ATXN7L1: variants seen among roughly 807,000 people sequenced by gnomAD.
ATXN7L1 encodes the protein ataxin 7 like 1.
In ATXN7L1, 15 loss-of-function variants were observed where a neutral mutation model predicts 70.8. The ratio of observed to expected loss-of-function variants is 0.21; its 90% CI spans 0.14 to 0.33. ATXN7L1 has a LOEUF of 0.33. ATXN7L1 is among the 10% of genes least tolerant of loss of function. The pLI is 1.00. For synonymous variants in ATXN7L1, 440 were observed against 445.1 expected (o/e 0.99, Z 0.14); for missense variants, 975 against 1,097.1 (o/e 0.89, Z 1.57).
intron 4 of ATXN7L1, among the ~76,000 whole-genome samples, chr7:105,660,931 G>A (rs1328918994): frequency 6.6e-6 from 1 of 152,106 alleles, no homozygotes; most frequent in African/African-American, 2.4e-5. Flanking sequence ...CCTGGGTTAG[G>A]TACCCTTCTC....
intron 2 of ATXN7L1, among the ~76,000 whole-genome samples, chr7:105,852,666 C>T (rs911917326): frequency 7.2e-5 from 11 of 151,744 alleles, no homozygotes; most frequent in African/African-American, 2.4e-4. Context: ...TGGCTTATCT[C>T]GGAAGGACTG....
chr7:105,753,773 T>A (rs1005176844), intron 3 of ATXN7L1, among the ~76,000 whole-genome samples: 1 of 152,206 alleles, frequency 6.6e-6, no homozygotes, highest in Non-Finnish European at 1.5e-5. Context: ...TGGGAAAGGA[T>A]CAGGCAGTGC....
At chr7:105,690,090 C>T (rs745321756) in intron 3 of ATXN7L1, among the ~76,000 whole-genome samples, 17 of 152,202 alleles carry the variant, frequency 1.1e-4, no homozygotes, top group Non-Finnish European at 1.9e-4. Context: ...CAGCAACCTC[C>T]GCCTCCTGGG....
chr7:105,750,274 A>T (rs1419214163), intron 3 of ATXN7L1, among the ~76,000 whole-genome samples: 3 of 145,388 alleles, frequency 2.1e-5, no homozygotes, highest in African/African-American at 7.9e-5. Flanking sequence ...TTTTAGATTT[A>T]TAATTGCTCT....
intron 3 of ATXN7L1, among the ~76,000 whole-genome samples, chr7:105,746,804 C>T (rs1248393700): frequency 6.6e-6 from 1 of 152,136 alleles, no homozygotes; most frequent in Non-Finnish European, 1.5e-5. Context: ...GCATAAAATG[C>T]ACACTCATTT....
At chr7:105,729,575 C>A (rs7385162) in intron 3 of ATXN7L1, among the ~76,000 whole-genome samples, 5 of 151,294 alleles carry the variant, frequency 3.3e-5, no homozygotes, top group African/African-American at 9.7e-5. Context: ...GATTACAGAC[C>A]TGTGCCACTA....
chr7:105,754,142 G>T (rs993768209), intron 3 of ATXN7L1, among the ~76,000 whole-genome samples: 1 of 152,166 alleles, frequency 6.6e-6, no homozygotes, highest in Non-Finnish European at 1.5e-5. Context: ...GAGCTCTGAC[G>T]TCTCAAGAAC....
chr7:105,762,632 A>G (rs1381951861), intron 3 of ATXN7L1, among the ~76,000 whole-genome samples: 1 of 151,950 alleles, frequency 6.6e-6, no homozygotes, highest in Non-Finnish European at 1.5e-5. Flanking sequence ...CCTCATCTTT[A>G]CACCAAAGGC....
chr7:105,725,958 A>G (rs1436579005), intron 3 of ATXN7L1, among the ~76,000 whole-genome samples: 1 of 148,044 alleles, frequency 6.8e-6, no homozygotes, highest in Non-Finnish European at 1.5e-5. Flanking sequence ...GATGGAGTGC[A>G]ATGGCATGAT....
At chr7:105,638,147 CA>C (rs1316644505) in intron 7 of ATXN7L1, among the ~76,000 whole-genome samples, 1 of 152,230 alleles carries the variant, frequency 6.6e-6, no homozygotes, top group African/African-American at 2.4e-5. Context: ...ATAATGATGA[CA>C]GCAGTAAAAT....
intron 4 of ATXN7L1, among the ~76,000 whole-genome samples, chr7:105,643,487 T>A (rs146442637): frequency 3.9e-5 from 6 of 152,336 alleles, no homozygotes; most frequent in Non-Finnish European, 8.8e-5. Context: ...GAGATACCGT[T>A]TGTCCCCTGA....
rs150941301 is a variant in ATXN7L1, at chr7:105,791,601, A to T, written c.251-2893T>A. The stretch of plus-strand genomic sequence containing the variant: ...ATTTTTTAAAAATAAAACAAAAGGG[A>T]TCCAAGTTCTCCGAAGATACATTTG... On this transcript the variant is annotated intron_variant, in intron 2 of 11. Coordinates refer to ENST00000419735, the MANE Select transcript of ATXN7L1 (RefSeq NM_020725.2). Among the ~76,000 whole-genome samples, 82 of 152,340 alleles carry T rather than the reference A, an allele frequency of 5.4e-4. 1 individual carries two copies. The highest frequency in any genetic ancestry group is 1.9e-3 in the African/African-American group (81 of 41,562).
In ATXN7L1 at chr7:105,611,434, C is replaced by T. The variant is rs566876375; in HGVS notation, c.2473-831G>A. The stretch of plus-strand genomic sequence containing the variant: ...TTGCCTAGGCTGGAGTGCAGTGGCA[C>T]GATCTTGGCTCATTGCAACCTCTGC... On this transcript the variant is annotated intron_variant, in intron 10 of 11. Transcript: ENST00000419735. Among the ~76,000 whole-genome samples the T allele has an allele frequency of 3.9e-5, 6 of 152,354 alleles. No homozygotes were observed. In the South Asian group the frequency reaches 6.2e-4, roughly 16 times the overall value.
intron 3 of ATXN7L1, among the ~76,000 whole-genome samples, chr7:105,770,667 A>G (rs1285810269): frequency 6.6e-6 from 1 of 152,180 alleles, no homozygotes; most frequent in Non-Finnish European, 1.5e-5. Context: ...GTCTGATCTG[A>G]GCCCAAGGAG....
At chr7:105,791,216 C>T (rs1004799054) in intron 2 of ATXN7L1, among the ~76,000 whole-genome samples, 4 of 152,218 alleles carry the variant, frequency 2.6e-5, no homozygotes, top group Non-Finnish European at 5.9e-5. Flanking sequence ...TTCAGGTGCC[C>T]GAGGTGGCTG....
At chr7:105,652,794 G>A (rs552169060) in intron 4 of ATXN7L1, among the ~76,000 whole-genome samples, 2 of 152,322 alleles carry the variant, frequency 1.3e-5, no homozygotes, top group Non-Finnish European at 2.9e-5. Flanking sequence ...TGAAAGATGA[G>A]GAAATGGCAA....
chr7:105,807,764 C>T (rs11980210), intron 2 of ATXN7L1, among the ~76,000 whole-genome samples: 34,642 of 152,164 alleles, frequency 0.23, 4,114 homozygotes, highest in East Asian at 0.42. Context: ...CTCTCCAGAC[C>T]GAGCAGCCTC....
intron 4 of ATXN7L1, among the ~76,000 whole-genome samples, chr7:105,664,442 A>T (rs1323378211): frequency 1.4e-5 from 2 of 147,426 alleles, no homozygotes; most frequent in African/African-American, 5.0e-5. Context: ...CTCTGTCTCA[A>T]ATATATATAT....
At chr7:105,608,592 A>G (rs1405377673) in intron 11 of ATXN7L1, among the ~76,000 whole-genome samples, 1 of 152,144 alleles carries the variant, frequency 6.6e-6, no homozygotes, top group African/African-American at 2.4e-5. Context: ...GTAGGTACAC[A>G]TGACAACCTC....
Sources: allele counts gnomAD v4.1 joint callset (sites outside exome capture counted in the v4.1 genomes callset), GRCh38; gene constraint gnomAD v4.1.1; transcripts MANE v1.5; gene names NCBI Gene and HGNC (gene_info 2026-07-23, HGNC 2026-07-21).